Variants in KIFAP3 observed in about 807,000 individuals in gnomAD.
KIFAP3 encodes the protein kinesin-associated protein 3.
KIFAP3 carries 68 observed loss-of-function variants against 106.5 expected under a neutral mutation model. The ratio of observed to expected loss-of-function variants is 0.64; its 90% CI spans 0.53 to 0.78. The LOEUF (loss-of-function observed/expected upper bound fraction) is 0.78, where lower values mean the gene tolerates loss of function less well. Ranked by LOEUF, KIFAP3 falls within the 30% of genes least tolerant of loss-of-function variation. The probability of loss-of-function intolerance (pLI) is 0.00; values close to 1 mark genes in which losing one functional copy is unlikely to be tolerated. For synonymous variants in KIFAP3, 320 were observed against 311.5 expected, an observed-to-expected ratio of 1.03 and a Z score of -0.29; for missense variants, 780 against 941.8, an observed-to-expected ratio of 0.83 and a Z score of 2.25.
intron 14 of KIFAP3, among the ~76,000 whole-genome samples, 198 bp from the exon 15 acceptor site, chr1:169,982,295 G>A (rs990853909): frequency 6.6e-6 from 1 of 152,038 alleles, no homozygotes; most frequent in Admixed American, 6.6e-5. Flanking sequence ...GGGGGCAGGG[G>A]GCAGTAGAAA....
At chr1:170,009,967 T>A (rs931414865) in intron 10 of KIFAP3, among the ~76,000 whole-genome samples, 3 of 152,122 alleles carry the variant, frequency 2.0e-5, no homozygotes, top group African/African-American at 7.2e-5. Context: ...GTAAGTCCAA[T>A]TCAATTTGCA....
chr1:169,926,104 C>T (rs1381312241), intron 19 of KIFAP3, among the ~76,000 whole-genome samples: 1 of 152,168 alleles, frequency 6.6e-6, no homozygotes, highest in African/African-American at 2.4e-5. Flanking sequence ...TTGACAGGGT[C>T]TATCCAGCTC....
At chr1:169,931,318 A>C (rs1044046422) in intron 19 of KIFAP3, among the ~76,000 whole-genome samples, 6 of 152,184 alleles carry the variant, frequency 3.9e-5, no homozygotes, top group Admixed American at 1.3e-4. Context: ...AATGACGTGC[A>C]AGAAATAACT....
At chr1:170,047,349 G>A (rs539797400) in intron 2 of KIFAP3, among the ~76,000 whole-genome samples, 7 of 151,980 alleles carry the variant, frequency 4.6e-5, no homozygotes, top group South Asian at 2.1e-4. Context: ...GGCCGGGCAC[G>A]GTGGTTCACG....
chr1:170,007,100 AG>A (rs2101977235), intron 10 of KIFAP3, among the ~76,000 whole-genome samples: 1 of 152,284 alleles, frequency 6.6e-6, no homozygotes, highest in Admixed American at 6.5e-5. Flanking sequence ...TACTGCTCAT[AG>A]GTTGAGTAAT....
chr1:170,073,666 T>C (rs1671800485), intron 1 of KIFAP3, among the ~76,000 whole-genome samples: 1 of 152,148 alleles, frequency 6.6e-6, no homozygotes, highest in Non-Finnish European at 1.5e-5. Context: ...AAAATTTTTT[T>C]CTATTGGATC....
intron 19 of KIFAP3, among the ~76,000 whole-genome samples, chr1:169,928,496 G>A (rs964013151): frequency 1.3e-5 from 2 of 151,826 alleles, no homozygotes; most frequent in African/African-American, 2.4e-5. Flanking sequence ...GGTTGCCTGA[G>A]CCCAGGAGTT....
intron 10 of KIFAP3, among the ~76,000 whole-genome samples, chr1:169,998,037 G>GAA (rs758509353): frequency 2.4e-4 from 34 of 140,248 alleles, no homozygotes; most frequent in Middle Eastern, 3.7e-3. Flanking sequence ...TCCCTTAATG[G>GAA]AAAAAAAAAA....
At chr1:170,078,371 T>C (rs1671961422), upstream of KIFAP3, among the ~76,000 whole-genome samples, 1 of 152,182 alleles carries the variant, frequency 6.6e-6, no homozygotes, top group Admixed American at 6.5e-5. Context: ...TCTCTTCAAA[T>C]TTTTTGTCCA....
At chr1:169,999,483 G>C (rs777163076) in intron 10 of KIFAP3, among the ~76,000 whole-genome samples, 1 of 152,228 alleles carries the variant, frequency 6.6e-6, no homozygotes, top group Non-Finnish European at 1.5e-5. Flanking sequence ...AGCAAGGGCA[G>C]TGAAAAGACT....
intron 10 of KIFAP3, among the ~76,000 whole-genome samples, chr1:170,007,823 C>G (rs1182104709): frequency 6.6e-6 from 1 of 152,022 alleles, no homozygotes; most frequent in African/African-American, 2.4e-5. Context: ...CAATCCTAAG[C>G]AAAAAGAACA....
At chr1:170,050,702 G>C (rs1234295984) in intron 2 of KIFAP3, among the ~76,000 whole-genome samples, 1 of 152,112 alleles carries the variant, frequency 6.6e-6, no homozygotes, top group Non-Finnish European at 1.5e-5. Context: ...CAATTTTAAG[G>C]AAAATAATTT....
intron 17 of KIFAP3, among the ~76,000 whole-genome samples, chr1:169,961,955 AG>A (rs947132518): frequency 1.3e-5 from 2 of 152,138 alleles, no homozygotes; most frequent in Non-Finnish European, 2.9e-5. Context: ...TCAACTGTGT[AG>A]GGGGATTGGT....
At chr1:170,070,028 GA>G (rs1671630620) in intron 1 of KIFAP3, among the ~76,000 whole-genome samples, 7 of 151,910 alleles carry the variant, frequency 4.6e-5, no homozygotes, top group Admixed American at 4.6e-4. Flanking sequence ...TATTGGAGCT[GA>G]AAAATATGAA....
chr1:170,058,096 T>C (rs1670940577), intron 1 of KIFAP3, among the ~76,000 whole-genome samples: 1 of 152,148 alleles, frequency 6.6e-6, no homozygotes, highest in Non-Finnish European at 1.5e-5. Context: ...CTGAAGTACA[T>C]CCTTATGTTC....
intron 12 of KIFAP3, 58 bp from the exon 13 acceptor site, chr1:169,983,440 G>A: frequency 8.5e-7 from 1 of 1,180,858 alleles, no homozygotes; most frequent in Non-Finnish European, 1.2e-6. Context: ...ATAATTTTTT[G>A]TTTAGTTCTC....
intron 19 of KIFAP3, among the ~76,000 whole-genome samples, chr1:169,939,294 G>A (rs1663977106): frequency 6.6e-6 from 1 of 152,160 alleles, no homozygotes; most frequent in Non-Finnish European, 1.5e-5. Context: ...CATGCAGATG[G>A]TTTGCAGTGG....
intron 1 of KIFAP3, among the ~76,000 whole-genome samples, chr1:170,061,245 AT>A (rs1374799912): frequency 6.6e-6 from 1 of 152,158 alleles, no homozygotes; most frequent in African/African-American, 2.4e-5. Context: ...ATGGGAGAAA[AT>A]TTTTGCAATC....
Position 170,082,999 on chromosome 1 carries a change from T to C in KIFAP3, n.174+2036A>G, listed in dbSNP as rs191418955. Among the ~76,000 whole-genome samples, 10 of 151,932 alleles carry C rather than the reference T, an allele frequency of 6.6e-5. No individual in the cohort carries two copies. The East Asian group carries it at 1.9e-3, about 29-fold the overall frequency. ...AAAAATAATAATAAAATAAACACAGTTGAAGAGAAAATTTGTAAATATTAA... is the reference window on the plus strand; with the variant it reads ...AAAAATAATAATAAAATAAACACAGCTGAAGAGAAAATTTGTAAATATTAA... On this transcript the variant is annotated intron_variant and non_coding_transcript_variant, in intron 1 of 5. Coordinates refer to the KIFAP3 transcript ENST00000490550.
Sources: allele counts gnomAD v4.1 joint callset (sites outside exome capture counted in the v4.1 genomes callset), GRCh38; gene constraint gnomAD v4.1.1; transcripts MANE v1.5; gene names NCBI Gene and HGNC (gene_info 2026-07-23, HGNC 2026-07-21).